Variants in PLPBP observed in about 807,000 individuals in gnomAD.
PLPBP encodes pyridoxal phosphate homeostasis protein.
A neutral mutation model predicts 31.2 loss-of-function variants in PLPBP; 21 were observed. That is an observed-to-expected ratio of 0.67 (90% confidence interval 0.48 to 0.97). PLPBP has a LOEUF of 0.97. Ranked by LOEUF, PLPBP falls within the 50% of genes least tolerant of loss-of-function variation. The probability of loss-of-function intolerance (pLI) is 0.00; values close to 1 mark genes in which losing one functional copy is unlikely to be tolerated. For synonymous variants in PLPBP, 124 were observed against 135.6 expected (o/e 0.91, Z 0.59); for missense variants, 308 against 354.4 (o/e 0.87, Z 1.05).
intron 1 of PLPBP, among the ~76,000 whole-genome samples, 184 bp downstream of exon 1, chr8:37,762,942 T>G (rs1360984644): frequency 6.6e-6 from 1 of 151,552 alleles, no homozygotes; most frequent in Non-Finnish European, 1.5e-5. Flanking sequence ...GTCTGTTAGG[T>G]TTTCTGGAGA....
At chr8:37,777,011 C>G (rs1803929848) in intron 7 of PLPBP, among the ~76,000 whole-genome samples, 2 of 152,174 alleles carry the variant, frequency 1.3e-5, no homozygotes, top group Non-Finnish European at 2.9e-5. Flanking sequence ...AGGTAATCCA[C>G]CCACCTAGGC....
rs1803810353 is a variant in PLPBP, at chr8:37,772,847, A to C, written c.412A>C (p.Arg138=). 5.0e-6 allele frequency: 8 copies of C among 1,614,196 alleles called. No individual in the cohort carries two copies. In the East Asian group the frequency reaches 1.8e-4, roughly 36 times the overall value. Residue 138 remains arginine, a synonymous_variant, in exon 5 of 8, where the codon AGG becomes CGG. Coordinates refer to ENST00000328195, the MANE Select transcript of PLPBP (RefSeq NM_007198.4). Reference sequence around the variant, plus strand: ...CTGGCAGAGAAAAGGTTCTCCTGAAAGGTTAAAGGTTATGGTCCAGATTAA... The same window carrying C: ...CTGGCAGAGAAAAGGTTCTCCTGAACGGTTAAAGGTTATGGTCCAGATTAA... ...SSWQRKGSPE[R]LKVMVQINTS... is the part of the protein sequence containing the mutation.
In PLPBP at chr8:37,777,955, T is replaced by C. The variant is rs770143553; in HGVS notation, c.697-18T>C. ...TATTTTAAACCTGGTCCTCGATACC[T>C]TCTCTTTTTTCCCACAGGTTGAAGT... On this transcript the variant is annotated intron_variant, in intron 7 of 7. Transcript: ENST00000328195. 25 of 1,605,280 alleles carry C rather than the reference T, an allele frequency of 1.6e-5. No homozygotes were observed. Among genetic ancestry groups the C allele is most frequent in the South Asian group, 1.4e-4 (13 of 90,774 alleles).
At chr8:37,764,474 A>C (rs193284120) in intron 1 of PLPBP, among the ~76,000 whole-genome samples, 2 of 152,254 alleles carry the variant, frequency 1.3e-5, no homozygotes, top group Non-Finnish European at 2.9e-5. Context: ...GATGCCCACC[A>C]CCACACCTGG....
chr8:37,767,550 TGTATAA>T (rs1563324436), intron 4 of PLPBP, among the ~76,000 whole-genome samples: 2 of 152,356 alleles, frequency 1.3e-5, no homozygotes, highest in African/African-American at 4.8e-5. Context: ...AGTATTCCAT[TGTATAA>T]GTATATTACA....
At chr8:37,773,697 G>A (rs1296931297) in intron 5 of PLPBP, among the ~76,000 whole-genome samples, 1 of 150,326 alleles carries the variant, frequency 6.7e-6, no homozygotes, top group Non-Finnish European at 1.5e-5. Context: ...TTGAACTCTT[G>A]ACCTCAGGTG....
At chr8:37,769,364 T>C (rs888161263) in intron 4 of PLPBP, among the ~76,000 whole-genome samples, 2 of 151,438 alleles carry the variant, frequency 1.3e-5, no homozygotes, top group Admixed American at 6.6e-5. Flanking sequence ...TAATAATAAA[T>C]TTTAAAAGAA....
intron 7 of PLPBP, among the ~76,000 whole-genome samples, chr8:37,776,520 A>T (rs1803918875): frequency 6.6e-6 from 1 of 151,298 alleles, no homozygotes; most frequent in Admixed American, 6.6e-5. Flanking sequence ...AAAGAAAAGA[A>T]ATGTATAGAA....
At chr8:37,767,651 G>A (rs1217938604) in intron 4 of PLPBP, among the ~76,000 whole-genome samples, 4 of 152,034 alleles carry the variant, frequency 2.6e-5, no homozygotes, top group Non-Finnish European at 5.9e-5. Context: ...GAATATTTGT[G>A]TACGAGCCTT....
chr8:37,770,962 T>G (rs1270304148), intron 4 of PLPBP, among the ~76,000 whole-genome samples: 1 of 152,082 alleles, frequency 6.6e-6, no homozygotes, highest in Non-Finnish European at 1.5e-5. Context: ...CTAACAGAAC[T>G]GTTGTTTTAG....
At position 37,762,686 on chromosome 8, in the gene PLPBP, C is replaced by A. The variant is rs757293635; in HGVS notation, c.27C>A (p.Ala9=). The change falls in exon 1 of 8, where the codon GCC becomes GCA. Residue 9 remains alanine (A), a synonymous_variant. Transcript: ENST00000328195. ...TGTGGAGAGCTGGCAGCATGTCGGC[C>A]GAGCTGGGAGTCGGGTGCGCATTGC... The part of the protein sequence containing the change: MWRAGSMS[A]ELGVGCALRA... 11 of 1,589,484 alleles carry A rather than the reference C, an allele frequency of 6.9e-6. No homozygotes were observed. In the East Asian group the frequency reaches 2.3e-4, roughly 33 times the overall value.
intron 5 of PLPBP, among the ~76,000 whole-genome samples, chr8:37,773,854 T>C (rs1803838706): frequency 6.6e-6 from 1 of 152,090 alleles, no homozygotes; most frequent in Non-Finnish European, 1.5e-5. Flanking sequence ...CCTAAGATTA[T>C]ATAAATACTC....
chr8:37,774,608 T>C (rs1803854892), intron 5 of PLPBP, among the ~76,000 whole-genome samples: 1 of 152,218 alleles, frequency 6.6e-6, no homozygotes, highest in South Asian at 2.1e-4. Context: ...AGGAACACAG[T>C]AGAGGCATCT....
intron 4 of PLPBP, chr8:37,766,770 G>A (rs747128553): frequency 3.4e-6 from 2 of 592,714 alleles, no homozygotes; most frequent in East Asian, 1.4e-4. Flanking sequence ...TAGGCCAGGC[G>A]CGGTGGCTGA....
intron 5 of PLPBP, among the ~76,000 whole-genome samples, chr8:37,773,354 G>A (rs569761671): frequency 2.0e-5 from 3 of 151,722 alleles, no homozygotes; most frequent in South Asian, 4.2e-4. Flanking sequence ...TTGTAATAGC[G>A]ATGGGGTTTC....
At chr8:37,767,213 G>A (rs1299483734) in intron 4 of PLPBP, among the ~76,000 whole-genome samples, 1 of 152,048 alleles carries the variant, frequency 6.6e-6, no homozygotes, top group African/African-American at 2.4e-5. Flanking sequence ...ACAATACATT[G>A]CACATATTTA....
chr8:37,776,056 G>A, intron 7 of PLPBP, 40 bp downstream of exon 7: 2 of 1,562,364 alleles, frequency 1.3e-6, no homozygotes, highest in Non-Finnish European at 8.8e-7. Context: ...TCGAGGGGTG[G>A]GGGTAGGGGG....
At chr8:37,777,518 A>G (rs1054578307) in intron 7 of PLPBP, among the ~76,000 whole-genome samples, 1 of 152,082 alleles carries the variant, frequency 6.6e-6, no homozygotes, top group African/African-American at 2.4e-5. Flanking sequence ...GAGGAGAACA[A>G]TCATCCTGAA....
chr8:37,777,393 G>A (rs1045402978), intron 7 of PLPBP, among the ~76,000 whole-genome samples: 38 of 152,122 alleles, frequency 2.5e-4, no homozygotes, highest in South Asian at 2.1e-4. Context: ...CACACTGGAC[G>A]TCTAATGTCC....
Sources: gnomAD v4.1 joint callset for allele counts (sites outside exome capture counted in the v4.1 genomes callset) on GRCh38, gnomAD v4.1.1 for gene constraint, MANE v1.5 for transcripts, NCBI Gene and HGNC (gene_info 2026-07-23, HGNC 2026-07-21) for gene names.